Variants in TIAM1 observed in about 807,000 individuals in gnomAD.
TIAM1 encodes rho guanine nucleotide exchange factor TIAM1.
In TIAM1, 65 loss-of-function variants were observed where a neutral mutation model predicts 163.5. That is an observed-to-expected ratio of 0.40 (90% CI 0.33 to 0.49). The LOEUF (loss-of-function observed/expected upper bound fraction) is 0.49, where lower values mean the gene tolerates loss of function less well. TIAM1 is among the 20% of genes least tolerant of loss of function. The probability of loss-of-function intolerance (pLI) is 0.77; values close to 1 mark genes in which losing one functional copy is unlikely to be tolerated. For missense variants in TIAM1, 1,789 were observed against 2,044.7 expected (o/e 0.87, Z 2.41); for synonymous variants, 833 against 810.1 (o/e 1.03, Z -0.48).
intron 2 of TIAM1, among the ~76,000 whole-genome samples, chr21:31,405,175 G>A (rs1376516520): frequency 1.3e-5 from 2 of 152,176 alleles, no homozygotes; most frequent in African/African-American, 2.4e-5. Context: ...TTGATCCTAG[G>A]AGGTCAAGGT....
rs529993272 is a variant in TIAM1, at chr21:31,422,262, A to G, written c.-369+41721T>C. On this transcript the variant is annotated intron_variant, in intron 2 of 28. Transcript: ENST00000286827. ...GGATTATTGAGAGGAGAGAATATTA[A>G]GAACACATGTTACTTTACAGCTCCG... 3.9e-5 allele frequency among the ~76,000 whole-genome samples: 6 copies of G among 152,342 alleles called. No individual in the cohort carries two copies. The East Asian group carries it at 9.7e-4, about 25-fold the overall frequency.
In TIAM1 at chr21:31,228,245, A is replaced by T. The variant is rs1601626821; in HGVS notation, c.1585-2295T>A. 8.9e-5 allele frequency among the ~76,000 whole-genome samples: 6 copies of T among 67,130 alleles called. 1 individual carries two copies. Among genetic ancestry groups the T allele is most frequent in the Admixed American group, 7.6e-4 (3 of 3,962 alleles). The allele number at this position is 67,130 out of a possible 152,430, so 44.0% of individuals were successfully genotyped here. On this transcript the variant is annotated intron_variant, in intron 6 of 27. Coordinates refer to ENST00000541036, the MANE Select transcript of TIAM1 (RefSeq NM_001353694.2). ...TAAAAAAAAAAAAAAAAAAAAAAAA[A>T]AAAAAAAAAAAAAAGGAAGGAAAAA...
intron 23 of TIAM1, among the ~76,000 whole-genome samples, chr21:31,135,650 C>CA (rs111656838): frequency 0.25 from 36,438 of 143,810 alleles, 5,871 homozygotes; most frequent in African/African-American, 0.48. Context: ...GAGCAGCAGC[C>CA]AAAAAAAAAA....
chr21:31,412,951 G>C (rs2043251629), intron 2 of TIAM1, among the ~76,000 whole-genome samples: 1 of 152,144 alleles, frequency 6.6e-6, no homozygotes, highest in Non-Finnish European at 1.5e-5. Flanking sequence ...CCTGCTGCGT[G>C]GCCTGGTTCC....
chr21:31,469,303 GTT>G (rs201442165), intron 1 of TIAM1, among the ~76,000 whole-genome samples: 4,484 of 151,848 alleles, frequency 0.03, 90 homozygotes, highest in Non-Finnish European at 0.043. Context: ...GTCTCATTAT[GTT>G]GCCCAGGCTG....
intron 2 of TIAM1, among the ~76,000 whole-genome samples, chr21:31,424,688 C>T (rs1035110112): frequency 2.0e-5 from 3 of 152,068 alleles, no homozygotes; most frequent in Admixed American, 2.0e-4. Flanking sequence ...GTTTCCGTTT[C>T]GCAAGATGAA....
intron 2 of TIAM1, among the ~76,000 whole-genome samples, chr21:31,337,500 T>A (rs1002028125): frequency 8.8e-5 from 11 of 124,932 alleles, no homozygotes; most frequent in Admixed American, 6.8e-4. Context: ...AATTGTTGTT[T>A]TTATTATTAT....
At chr21:31,287,335 C>T (rs531118106) in intron 2 of TIAM1, among the ~76,000 whole-genome samples, 4 of 152,306 alleles carry the variant, frequency 2.6e-5, no homozygotes, top group Admixed American at 2.6e-4. Flanking sequence ...ACATTCAGTT[C>T]AACTCAACCA....
intron 26 of TIAM1, among the ~76,000 whole-genome samples, chr21:31,125,688 C>A (rs767942759): frequency 6.6e-6 from 1 of 152,224 alleles, no homozygotes; most frequent in African/African-American, 2.4e-5. Context: ...GATTGTCCTG[C>A]CTCAGCCTCC....
chr21:31,174,375 C>T (rs931488667), intron 15 of TIAM1, among the ~76,000 whole-genome samples: 3 of 152,210 alleles, frequency 2.0e-5, no homozygotes, highest in African/African-American at 7.2e-5. Context: ...TCAACAAACG[C>T]TGCTTAATCT....
intron 2 of TIAM1, chr21:31,463,899 C>G (rs1411571549): frequency 6.6e-6 from 1 of 151,610 alleles, no homozygotes; most frequent in Non-Finnish European, 1.5e-5. Context: ...AGTGAAAAAG[C>G]AAATTTATTC....
intron 2 of TIAM1, among the ~76,000 whole-genome samples, chr21:31,453,686 T>G (rs1183208197): frequency 6.4e-3 from 1 of 156 alleles, no homozygotes; most frequent in Non-Finnish European, 0.013. Context: ...AGACTCCATC[T>G]CCAGTAAATA....
At chr21:31,336,487 G>GT (rs2075844011) in intron 2 of TIAM1, among the ~76,000 whole-genome samples, 1 of 117,234 alleles carries the variant, frequency 8.5e-6, no homozygotes, top group African/African-American at 3.8e-5. Flanking sequence ...ATTGCCCCTT[G>GT]CTTTTTTTTT....
intron 2 of TIAM1, among the ~76,000 whole-genome samples, chr21:31,385,983 A>T (rs1342662515): frequency 6.7e-6 from 1 of 148,804 alleles, no homozygotes; most frequent in African/African-American, 2.4e-5. Flanking sequence ...TATATAATAA[A>T]CATTTTAAAC....
intron 1 of TIAM1, among the ~76,000 whole-genome samples, chr21:31,343,434 T>C (rs1300210925): frequency 6.6e-6 from 1 of 152,176 alleles, no homozygotes; most frequent in African/African-American, 2.4e-5. Flanking sequence ...TCTCACAAAA[T>C]TGACTTAGGC....
Position 31,360,204 on chromosome 21 carries a change from G to T in TIAM1, c.-368-20782C>A, listed in dbSNP as rs1444325268. 2.0e-5 allele frequency among the ~76,000 whole-genome samples: 3 copies of T among 151,958 alleles called. No homozygotes were observed. In the East Asian group the frequency reaches 5.8e-4, roughly 29 times the overall value. On this transcript the variant is annotated intron_variant, in intron 2 of 28. Transcript: ENST00000286827. ...AACTGGTATCTTCTAAGTGTTTGAA[G>T]AAAATCACCGCCAACTGAGAATTCT... is the stretch of plus-strand genomic sequence containing the variant.
At chr21:31,490,811 C>G (rs1409946062) in intron 1 of TIAM1, among the ~76,000 whole-genome samples, 1 of 152,206 alleles carries the variant, frequency 6.6e-6, no homozygotes, top group Non-Finnish European at 1.5e-5. Context: ...CCAGCTGCCA[C>G]CCCTGCTATT....
chr21:31,353,087 C>T (rs1175504433), intron 2 of TIAM1, among the ~76,000 whole-genome samples: 1 of 152,122 alleles, frequency 6.6e-6, no homozygotes, highest in Non-Finnish European at 1.5e-5. Flanking sequence ...ACAAGGCACA[C>T]CCTTGCACAG....
chr21:31,314,547 A>G (rs1333783230), intron 2 of TIAM1, among the ~76,000 whole-genome samples: 1 of 152,128 alleles, frequency 6.6e-6, no homozygotes, highest in Non-Finnish European at 1.5e-5. Context: ...AGGGACCCAT[A>G]TTTTTATTTC....
Sources: allele counts gnomAD v4.1 joint callset (sites outside exome capture counted in the v4.1 genomes callset), GRCh38; gene constraint gnomAD v4.1.1; transcripts MANE v1.5; gene names NCBI Gene and HGNC (gene_info 2026-07-23, HGNC 2026-07-21).